Variants in PRKN observed in about 807,000 individuals in gnomAD.
PRKN encodes the protein parkin RBR E3 ubiquitin protein ligase, also known as E3 ubiquitin-protein ligase parkin.
Under a neutral mutation model 59.5 loss-of-function variants are expected in PRKN, and 56 were observed. That is an observed-to-expected ratio of 0.94 (90% CI 0.76 to 1.18). PRKN has a LOEUF of 1.18. PRKN is among the 50% of genes most tolerant of loss of function. The pLI, the probability that PRKN is intolerant of heterozygous loss-of-function variation, is 0.00. For synonymous variants in PRKN, 250 were observed against 222.1 expected (o/e 1.13, Z -1.12); for missense variants, 657 against 596.4 (o/e 1.10, Z -1.06).
chr6:162,039,263 C>T (rs184109438), intron 5 of PRKN, among the ~76,000 whole-genome samples: 2 of 152,230 alleles, frequency 1.3e-5, no homozygotes, highest in East Asian at 3.9e-4. Flanking sequence ...AACTCTCTTT[C>T]AAGATCACAT....
intron 1 of PRKN, among the ~76,000 whole-genome samples, chr6:162,552,145 C>T (rs936764522): frequency 6.6e-6 from 1 of 152,132 alleles, no homozygotes; most frequent in Non-Finnish European, 1.5e-5. Flanking sequence ...GTACACAAAT[C>T]CGGCTTGTTG....
rs1440941848 is a variant in PRKN at position 161,462,135 on chromosome 6, C to T, written c.1084-75258G>A. On this transcript the variant is annotated intron_variant, in intron 9 of 11. Coordinates refer to ENST00000366898, the MANE Select transcript of PRKN (RefSeq NM_004562.3). This position sits in a 1 kb window ranked among gnomAD's most constrained non-coding sequence, Gnocchi z 4.5. ...GAGCGGGGACTCACTACGGTAGGGA[C>T]CTACACATGCTTTGTCTCATCCTTT... Among the ~76,000 whole-genome samples, 4 of 151,556 alleles carry T rather than the reference C, an allele frequency of 2.6e-5. No individual in the cohort carries two copies. The highest frequency in any genetic ancestry group is 9.7e-5 in the African/African-American group (4 of 41,152).
chr6:161,705,254 G>A (rs1402862593), intron 7 of PRKN, among the ~76,000 whole-genome samples: 2 of 152,232 alleles, frequency 1.3e-5, no homozygotes, highest in Admixed American at 1.3e-4. Context: ...CTAACCCACC[G>A]AACATCACAG....
intron 4 of PRKN, among the ~76,000 whole-genome samples, chr6:162,105,975 A>G (rs1029181508): frequency 9.9e-5 from 15 of 152,194 alleles, no homozygotes; most frequent in African/African-American, 3.6e-4. Flanking sequence ...CCGGCCACAT[A>G]ATACAATCTT....
At position 161,410,580 on chromosome 6, in the gene PRKN, G is replaced by A. The variant is rs1288107898; in HGVS notation, c.1084-23703C>T. On this transcript the variant is annotated intron_variant, in intron 9 of 11. Transcript: ENST00000366898. The surrounding 1 kb of genome is among the most constrained non-coding windows in gnomAD (Gnocchi z 5.3). ...GTCTGAGCTGGACACACACAGCAGC[G>A]AGAGGGGAAGGGCGAGCTATTTCCT... Among the ~76,000 whole-genome samples the A allele has an allele frequency of 2.0e-5, 3 of 152,144 alleles. No homozygotes were observed. The highest frequency in any genetic ancestry group is 4.8e-5 in the African/African-American group (2 of 41,416).
intron 6 of PRKN, among the ~76,000 whole-genome samples, chr6:161,902,556 A>ATCTATTTTTTTTTTTTTTTTTTT (rs1382089937): frequency 3.4e-5 from 4 of 118,230 alleles, no homozygotes; most frequent in Non-Finnish European, 5.1e-5. Flanking sequence ...CTATTTATTT[A>ATCTATTTTTTTTTTTTTTTTTTT]TTTATTTATT....
At chr6:161,977,795 C>T (rs1781106731) in intron 5 of PRKN, among the ~76,000 whole-genome samples, 1 of 151,304 alleles carries the variant, frequency 6.6e-6, no homozygotes, top group Non-Finnish European at 1.5e-5. Context: ...GATCTGCCCA[C>T]CTTGGCCTCC....
At chr6:161,984,931 C>A (rs1187704971) in intron 5 of PRKN, among the ~76,000 whole-genome samples, 39 of 152,138 alleles carry the variant, frequency 2.6e-4, no homozygotes, top group Admixed American at 2.6e-3. Context: ...CTGACTCATT[C>A]CTGGGCAGGA....
intron 7 of PRKN, among the ~76,000 whole-genome samples, chr6:161,694,703 G>A (rs987086291): frequency 1.3e-5 from 2 of 152,186 alleles, no homozygotes; most frequent in African/African-American, 4.8e-5. Flanking sequence ...CTTGGAATCA[G>A]TGGTTAAAGT....
At chr6:161,559,955 C>T (rs376495009) in intron 8 of PRKN, among the ~76,000 whole-genome samples, 190 of 152,306 alleles carry the variant, frequency 1.2e-3, no homozygotes, top group Middle Eastern at 6.8e-3. Context: ...TGCCAAGGCA[C>T]ACCTGAGCAC....
intron 1 of PRKN, among the ~76,000 whole-genome samples, chr6:162,602,947 C>T (rs369542843): frequency 3.3e-5 from 5 of 152,088 alleles, no homozygotes; most frequent in Admixed American, 1.3e-4. Flanking sequence ...ACATCCTCTC[C>T]GCCTGGGGTT....
intron 6 of PRKN, among the ~76,000 whole-genome samples, chr6:161,902,070 C>T (rs1777938228): frequency 6.6e-6 from 1 of 152,182 alleles, no homozygotes; most frequent in South Asian, 2.1e-4. Flanking sequence ...ACCTCCATTT[C>T]ACTGCAATGT....
chr6:162,338,744 G>A (rs1228955575), intron 2 of PRKN, among the ~76,000 whole-genome samples: 2 of 150,738 alleles, frequency 1.3e-5, no homozygotes, highest in Admixed American at 6.6e-5. Flanking sequence ...CCCTCTGCCC[G>A]GCTGCCCAGT....
chr6:162,149,930 G>A (rs1333064466), intron 4 of PRKN, among the ~76,000 whole-genome samples: 1 of 152,088 alleles, frequency 6.6e-6, no homozygotes, highest in Non-Finnish European at 1.5e-5. Flanking sequence ...CCCCATGAAT[G>A]AATGTTTTGT....
At chr6:161,739,174 A>G (rs1326295697) in intron 7 of PRKN, among the ~76,000 whole-genome samples, 2 of 152,130 alleles carry the variant, frequency 1.3e-5, no homozygotes, top group Non-Finnish European at 2.9e-5. Context: ...TGGGGAGGCC[A>G]AGGTGGGAGG....
intron 1 of PRKN, chr6:162,727,209 G>C (rs1470458260): frequency 1.8e-5 from 3 of 163,112 alleles, no homozygotes; most frequent in South Asian, 3.7e-4. Context: ...GCTTTGCTGC[G>C]GTTTCCTGAA....
At chr6:161,772,837 A>C (rs1789752205) in intron 7 of PRKN, among the ~76,000 whole-genome samples, 1 of 152,204 alleles carries the variant, frequency 6.6e-6, no homozygotes, top group Admixed American at 6.5e-5. Flanking sequence ...AACAAAAATA[A>C]GAATGAAAAA....
At chr6:162,604,940 C>T (rs1172132934) in intron 1 of PRKN, among the ~76,000 whole-genome samples, 1 of 152,084 alleles carries the variant, frequency 6.6e-6, no homozygotes, top group African/African-American at 2.4e-5. Flanking sequence ...ATGCAATAAC[C>T]TGGCCTTTTA....
intron 6 of PRKN, among the ~76,000 whole-genome samples, chr6:161,807,442 C>T (rs1791381911): frequency 6.6e-6 from 1 of 152,150 alleles, no homozygotes; most frequent in Non-Finnish European, 1.5e-5. Context: ...TACATATACA[C>T]ATAGATTGCT....
Sources: gnomAD v4.1 joint callset for allele counts (sites outside exome capture counted in the v4.1 genomes callset) on GRCh38, gnomAD v4.1.1 for gene constraint, Gnocchi (gnomAD v3.1) non-coding constraint, MANE v1.5 for transcripts, NCBI Gene and HGNC (gene_info 2026-07-23, HGNC 2026-07-21) for gene names.